Variants in CREB5 observed in about 807,000 individuals in gnomAD.
The protein encoded by CREB5 is cyclic AMP-responsive element-binding protein 5.
CREB5 carries 19 observed loss-of-function variants against 57.1 expected under a neutral mutation model. The observed-to-expected ratio is 0.33, with a 90% confidence interval of 0.23 to 0.49. CREB5 has a LOEUF of 0.49. CREB5 is among the 20% of genes least tolerant of loss of function. CREB5 has a pLI of 0.99. For missense variants in CREB5, 579 were observed against 671.6 expected (o/e 0.86, Z 1.52); for synonymous variants, 238 against 238.3 (o/e 1.00, Z 0.01).
intron 1 of CREB5, among the ~76,000 whole-genome samples, chr7:28,372,208 A>T (rs945460813): frequency 6.6e-6 from 1 of 152,230 alleles, no homozygotes; most frequent in Non-Finnish European, 1.5e-5. Context: ...AGGCAGATAC[A>T]TACATTACTA....
In CREB5 at chr7:28,560,881, T is replaced by TGTGCGCGTGCGCGTGC. The variant is rs1554344374; in HGVS notation, c.292-9483_292-9482insTGCGCGTGCGCGTGCG. Among the ~76,000 whole-genome samples, 11 of 46,242 alleles carry TGTGCGCGTGCGCGTGC rather than the reference T, an allele frequency of 2.4e-4. 2 individuals are homozygous for TGTGCGCGTGCGCGTGC. The East Asian group carries it at 4.8e-3, about 20-fold the overall frequency. The allele number at this position is 46,242 out of a possible 152,430, so 30.3% of individuals were successfully genotyped here. ...GTGCGTGTGCCTGCGTGCGCGTGCG[T>TGTGCGCGTGCGCGTGC]GCGTGCGTGTGTGTGCGTGCGCGCG... is the stretch of plus-strand genomic sequence containing the variant. On this transcript the variant is annotated intron_variant, in intron 4 of 10. Coordinates refer to ENST00000357727, the MANE Select transcript of CREB5 (RefSeq NM_182898.4).
intron 7 of CREB5, among the ~76,000 whole-genome samples, chr7:28,738,809 C>T (rs1804179412): frequency 6.6e-6 from 1 of 152,154 alleles, no homozygotes; most frequent in African/African-American, 2.4e-5. Context: ...CTCACTGTTC[C>T]AACAAGTCTG....
intron 5 of CREB5, among the ~76,000 whole-genome samples, chr7:28,708,164 G>T (rs899628660): frequency 1.3e-5 from 2 of 152,174 alleles, no homozygotes; most frequent in Non-Finnish European, 2.9e-5. Context: ...GCCTTGTTAG[G>T]CAATGCCCCT....
chr7:28,342,670 C>T (rs1426541556), intron 1 of CREB5, among the ~76,000 whole-genome samples: 1 of 152,298 alleles, frequency 6.6e-6, no homozygotes, highest in South Asian at 2.1e-4. Context: ...TATTTACAAC[C>T]CCTCTGTCTG....
intron 5 of CREB5, among the ~76,000 whole-genome samples, chr7:28,630,860 A>G (rs1798174180): frequency 6.6e-6 from 1 of 152,180 alleles, no homozygotes; most frequent in East Asian, 1.9e-4. Flanking sequence ...GTCAACATTA[A>G]TTTATTGACT....
At chr7:28,804,574 G>A (rs368036100) in intron 8 of CREB5, 52 bp downstream of exon 8, 24 of 1,581,182 alleles carry the variant, frequency 1.5e-5, no homozygotes, top group Non-Finnish European at 2.0e-5. Context: ...TCTTAACAGT[G>A]CAAGCTCTAA....
intron 1 of CREB5, among the ~76,000 whole-genome samples, chr7:28,356,202 T>C (rs1462625463): frequency 6.6e-6 from 1 of 152,182 alleles, no homozygotes; most frequent in East Asian, 1.9e-4. Context: ...TTAGATACAA[T>C]GAGTCATTTT....
intron 1 of CREB5, among the ~76,000 whole-genome samples, chr7:28,420,206 G>C (rs1788187140): frequency 6.6e-6 from 1 of 151,942 alleles, no homozygotes; most frequent in South Asian, 2.1e-4. Flanking sequence ...TCTTAAGACA[G>C]ACAGGTTGAG....
intron 1 of CREB5, among the ~76,000 whole-genome samples, chr7:28,472,848 C>T (rs539552000): frequency 6.6e-6 from 1 of 152,272 alleles, no homozygotes; most frequent in South Asian, 2.1e-4. Flanking sequence ...TTGAGGCTTG[C>T]CTGCTTTTTT....
intron 5 of CREB5, among the ~76,000 whole-genome samples, chr7:28,685,636 T>C (rs115201065): frequency 0.013 from 1,969 of 151,998 alleles, 36 homozygotes; most frequent in African/African-American, 0.045. Context: ...GTCTTGATGT[T>C]ATTTCCCTTT....
intron 1 of CREB5, among the ~76,000 whole-genome samples, chr7:28,381,519 G>C (rs1786967255): frequency 6.6e-6 from 1 of 152,158 alleles, no homozygotes; most frequent in Non-Finnish European, 1.5e-5. Flanking sequence ...ATCACTAGAA[G>C]AATCAGACAG....
chr7:28,413,347 A>G (rs1787887085), intron 1 of CREB5, among the ~76,000 whole-genome samples: 1 of 152,162 alleles, frequency 6.6e-6, no homozygotes, highest in African/African-American at 2.4e-5. Flanking sequence ...ATTCAAACCT[A>G]GATGTGTATG....
intron 4 of CREB5, among the ~76,000 whole-genome samples, chr7:28,533,836 C>G (rs1793840689): frequency 6.6e-6 from 1 of 152,214 alleles, no homozygotes; most frequent in Non-Finnish European, 1.5e-5. Flanking sequence ...TCCTCCTCTT[C>G]TTCCTCCTCT....
intron 1 of CREB5, among the ~76,000 whole-genome samples, chr7:28,474,464 T>C (rs768974836): frequency 5.9e-5 from 9 of 152,230 alleles, no homozygotes; most frequent in Non-Finnish European, 1.2e-4. Flanking sequence ...GTGCTTGAGC[T>C]GTTTGCCCTA....
chr7:28,410,087 G>A (rs866119564), upstream of CREB5: 6 of 399,058 alleles, frequency 1.5e-5, no homozygotes, highest in African/African-American at 4.2e-5. Context: ...CGCGCAGGGG[G>A]CTCGCTCTCC....
In CREB5 at chr7:28,704,854, G is replaced by C. The variant is rs1802029123; in HGVS notation, c.465-13899G>C. ...AGCCATTTTTTGTGTGTGTGTGCATGAGGAAACAGAAACTCAGAGGCACTG... is the reference window on the plus strand; with the variant it reads ...AGCCATTTTTTGTGTGTGTGTGCATCAGGAAACAGAAACTCAGAGGCACTG... On this transcript the variant is annotated intron_variant, in intron 5 of 10. Coordinates refer to ENST00000357727, the MANE Select transcript of CREB5 (RefSeq NM_182898.4). Among the ~76,000 whole-genome samples, 3 of 152,116 alleles carry C rather than the reference G, an allele frequency of 2.0e-5. No homozygotes were observed. The South Asian group carries it at 6.2e-4, about 31-fold the overall frequency.
intron 1 of CREB5, among the ~76,000 whole-genome samples, chr7:28,440,853 T>A (rs1192852500): frequency 6.6e-6 from 1 of 152,152 alleles, no homozygotes; most frequent in African/African-American, 2.4e-5. Context: ...AAGGAAATAT[T>A]TGGCAGACTG....
intron 1 of CREB5, among the ~76,000 whole-genome samples, chr7:28,329,842 T>C (rs1785680620): frequency 6.6e-6 from 1 of 152,280 alleles, no homozygotes; most frequent in Non-Finnish European, 1.5e-5. Flanking sequence ...ACTTTAGCTG[T>C]GCCATCCCAT....
At chr7:28,649,798 ATAAAT>A (rs1799053781) in intron 5 of CREB5, among the ~76,000 whole-genome samples, 1 of 152,222 alleles carries the variant, frequency 6.6e-6, no homozygotes, top group African/African-American at 2.4e-5. Flanking sequence ...GAATGAATAA[ATAAAT>A]TATGTTTGGA....
Sources: gnomAD v4.1 joint callset for allele counts (sites outside exome capture counted in the v4.1 genomes callset) on GRCh38, gnomAD v4.1.1 for gene constraint, MANE v1.5 for transcripts, NCBI Gene and HGNC (gene_info 2026-07-23, HGNC 2026-07-21) for gene names.